Variants in COMMD5 observed in about 807,000 individuals in gnomAD.
COMMD5 encodes the protein COMM domain-containing protein 5.
Under a neutral mutation model 6.9 loss-of-function variants are expected in COMMD5, and 10 were observed. That is an observed-to-expected ratio of 1.44 (90% confidence interval 0.89 to 2.45). COMMD5 has a LOEUF of 2.45. Among genes scored for constraint, COMMD5 ranks in the 30% most tolerant of loss-of-function variants. The pLI, the probability that COMMD5 is intolerant of heterozygous loss-of-function variation, is 0.00. For synonymous variants in COMMD5, 127 were observed against 125.3 expected, an observed-to-expected ratio of 1.01 and a Z score of -0.09; for missense variants, 234 against 287.8, an observed-to-expected ratio of 0.81 and a Z score of 1.35.
At chr8:144,843,377 C>T (rs375302812) in intron 1 of COMMD5, 12 of 535,558 alleles carry the variant, frequency 2.2e-5, no homozygotes, top group African/African-American at 1.2e-4. Flanking sequence ...ATCACGAGGT[C>T]AGGAGGTTGA....
intron 1 of COMMD5, chr8:144,842,976 C>T (rs1310351353): frequency 6.2e-7 from 1 of 1,614,022 alleles, no homozygotes; most frequent in African/African-American, 1.3e-5. Context: ...CCTTTGTGAG[C>T]CGTAAAAAGG....
rs772656357 is a variant in COMMD5 at position 144,850,796 on chromosome 8, C to T, written c.543G>A (p.Lys181=). ...SLQPSVLMQL[K]LSDGSAYRFE... Reference sequence around the variant, plus strand: ...AGCGGTATGCTGACCCATCTGAAAGCTTCAGCTGCATCAGGACGCTCGGCT... The same window carrying T: ...AGCGGTATGCTGACCCATCTGAAAGTTTCAGCTGCATCAGGACGCTCGGCT... The change falls in exon 2 of 2, where the codon AAG becomes AAA. Residue 181 remains lysine (K), a synonymous_variant. Transcript: ENST00000305103. This position sits in a 1 kb window ranked among gnomAD's most constrained non-coding sequence, Gnocchi z 4.0. 5 of 1,613,980 alleles carry T rather than the reference C, an allele frequency of 3.1e-6. No individual in the cohort carries two copies. Among genetic ancestry groups the T allele is most frequent in the Non-Finnish European group, 4.2e-6 (5 of 1,180,056 alleles).
Position 144,841,332 on chromosome 8 carries a change from G to A in COMMD5, c.*528C>T, listed in dbSNP as rs189706897. ...TCTCTGAGCACAGGGCCTAAGGAAC[G>A]TCTTTGTTCCTGTTTATTTCAGATT... On this transcript the variant is annotated 3_prime_UTR_variant and NMD_transcript_variant, in exon 2 of 2. Transcript: ENST00000530332. The A allele has an allele frequency of 4.0e-5, 64 of 1,581,820 alleles. No individual in the cohort carries two copies. The Admixed American group carries it at 1.0e-3, about 25-fold the overall frequency.
At position 144,850,890 on chromosome 8, in the gene COMMD5, G is replaced by A. The variant is rs1445044483; in HGVS notation, c.449C>T (p.Pro150Leu). 4.3e-6 allele frequency: 7 copies of A among 1,611,156 alleles called. No homozygotes were observed. Among genetic ancestry groups the A allele is most frequent in the East Asian group, 2.2e-5 (1 of 44,770 alleles). ...CCGCCACCGAAAGTCAGCAACATGC[G>A]GCAGCCAGGCCCCCTGCTGCTGGGC... is the stretch of plus-strand genomic sequence containing the variant. The part of the protein sequence containing the change: ...SVAQQQGAWL[P>L]HVADFRWRVD... The change falls in exon 2 of 2, where the codon CCG (proline) becomes CTG (leucine). Residue 150 changes from proline (P) to leucine (L), a missense_variant. Pro to Leu is a moderately conservative substitution (Grantham distance 98, BLOSUM62 -3). Transcript: ENST00000305103. The surrounding 1 kb of genome is among the most constrained non-coding windows in gnomAD (Gnocchi z 4.0).
chr8:144,851,626 T>C (rs950669509), intron 1 of COMMD5, among the ~76,000 whole-genome samples: 13 of 151,438 alleles, frequency 8.6e-5, no homozygotes, highest in African/African-American at 3.2e-4. Context: ...CAAGCAGGAA[T>C]TGGCAGAGAA....
rs577813996 is a variant in COMMD5, at chr8:144,843,545, G to A, written c.*117-1802C>T. 2.1e-3 allele frequency: 319 copies of A among 149,474 alleles called. 2 individuals carry two copies. The highest frequency in any genetic ancestry group is 0.016 in the South Asian group (76 of 4,728). 9.3% of individuals were successfully genotyped at this position (149,474 alleles called of 1,614,324 possible). A position where few individuals can be genotyped will look rare whatever the true frequency, so the allele number is the denominator to read the frequency against. On this transcript the variant is annotated intron_variant and NMD_transcript_variant, in intron 1 of 1. Transcript: ENST00000530332. Reference sequence around the variant, plus strand: ...GGAGCTTGCAGTGAGCTGAGATCGCGCCACTGCACTCCAGCCTGGGTGACA... The same window carrying A: ...GGAGCTTGCAGTGAGCTGAGATCGCACCACTGCACTCCAGCCTGGGTGACA...
At chr8:144,838,123 A>G, downstream of COMMD5, 2 of 702,990 alleles carry the variant, frequency 2.8e-6, no homozygotes, top group South Asian at 1.5e-5. Flanking sequence ...GTTTTCTGGC[A>G]GTCCTTGGGT....
rs71320849 is a variant in COMMD5, at chr8:144,844,709, C to CAAAAAA, written c.*117-2972_*117-2967dup. ...GGGTGACAAGAGTGTGACTCTGTAT[C>CAAAAAA]AAAAAAAAAAAAAAAAAAAAAAAAA... is the stretch of plus-strand genomic sequence containing the variant. On this transcript the variant is annotated intron_variant and NMD_transcript_variant, in intron 1 of 1. Transcript: ENST00000530332. Among the ~76,000 whole-genome samples the CAAAAAA allele has an allele frequency of 3.0e-4, 27 of 88,638 alleles. 1 individual carries two copies. Among genetic ancestry groups the CAAAAAA allele is most frequent in the African/African-American group, 1.1e-3 (26 of 23,738 alleles). 58.1% of individuals were successfully genotyped at this position (88,638 alleles called of 152,430 possible). A position where few individuals can be genotyped will look rare whatever the true frequency, so the allele number is the denominator to read the frequency against.
chr8:144,842,636 C>T (rs1830094399), intron 1 of COMMD5: 1 of 1,614,216 alleles, frequency 6.2e-7, no homozygotes, highest in Non-Finnish European at 8.5e-7. Flanking sequence ...AGTCAGAGTT[C>T]CAGCCTTATT....
chr8:144,844,530 G>GGC (rs1830383349), intron 1 of COMMD5, among the ~76,000 whole-genome samples: 2 of 151,892 alleles, frequency 1.3e-5, no homozygotes, highest in Non-Finnish European at 2.9e-5. Context: ...CTAACACAGT[G>GGC]AAACCCCGTG....
intron 1 of COMMD5, chr8:144,852,381 T>A (rs1830786802): frequency 6.6e-6 from 1 of 152,306 alleles, no homozygotes; most frequent in Non-Finnish European, 1.5e-5. Flanking sequence ...CCGACGCACC[T>A]GAAGGAGCAG....
Position 144,844,733 on chromosome 8 carries a change from A to AAAC in COMMD5, c.*117-2991_*117-2990insGTT, listed in dbSNP as rs1329927070. Among the ~76,000 whole-genome samples, 236 of 132,444 alleles carry AAAC rather than the reference A, an allele frequency of 1.8e-3. 6 individuals are homozygous for AAAC. The highest frequency in any genetic ancestry group is 6.5e-3 in the African/African-American group (218 of 33,744). The allele number at this position is 132,444 out of a possible 152,430, so 86.9% of individuals were successfully genotyped here. A position where few individuals can be genotyped will look rare whatever the true frequency, so the allele number is the denominator to read the frequency against. ...TCAAAAAAAAAAAAAAAAAAAAAAAAAAACGAAAATGGGATGGAAAGAAGG... is the reference window on the plus strand; with the variant it reads ...TCAAAAAAAAAAAAAAAAAAAAAAAAAACAAACGAAAATGGGATGGAAAGAAGG... On this transcript the variant is annotated intron_variant and NMD_transcript_variant, in intron 1 of 1. Transcript: ENST00000530332.
At chr8:144,842,860 G>A (rs2130723626) in intron 1 of COMMD5, 1 of 1,614,224 alleles carries the variant, frequency 6.2e-7, no homozygotes, top group East Asian at 2.2e-5. Flanking sequence ...TGAGTGCAGT[G>A]AGTGTGGAAA....
chr8:144,848,293 G>A (rs1328197808), downstream of COMMD5, among the ~76,000 whole-genome samples: 2 of 151,604 alleles, frequency 1.3e-5, no homozygotes, highest in African/African-American at 4.9e-5. Flanking sequence ...ATGATGGGGA[G>A]ACCTTGTCTC....
Position 144,850,907 on chromosome 8 carries a change from C to T in COMMD5, c.432G>A (p.Gln144=). 6.2e-7 allele frequency: 1 copy of T among 1,609,120 alleles called. No homozygotes were observed. The highest frequency in any genetic ancestry group is 1.1e-5 in the South Asian group (1 of 90,494). ...QRPLLDSVAQ[Q]QGAWLPHVAD... Reference sequence around the variant, plus strand: ...CAACATGCGGCAGCCAGGCCCCCTGCTGCTGGGCCACAGAATCAAGGAGGG... The same window carrying T: ...CAACATGCGGCAGCCAGGCCCCCTGTTGCTGGGCCACAGAATCAAGGAGGG... The change falls in exon 2 of 2, where the codon CAG becomes CAA. Residue 144 remains glutamine, a synonymous_variant. Transcript: ENST00000305103. The surrounding 1 kb of genome is among the most constrained non-coding windows in gnomAD (Gnocchi z 4.0).
chr8:144,841,987 A>T, intron 1 of COMMD5: 1 of 1,614,206 alleles, frequency 6.2e-7, no homozygotes, highest in Non-Finnish European at 8.5e-7. Context: ...CTCAAAACTT[A>T]TTCAGCATCA....
At chr8:144,840,542 G>A (rs755108349), downstream of COMMD5, among the ~76,000 whole-genome samples, 3 of 152,200 alleles carry the variant, frequency 2.0e-5, no homozygotes, top group Non-Finnish European at 2.9e-5. Context: ...TCCTGTCATG[G>A]TTTGATCACA....
chr8:144,849,041 G>A (rs1490672225), downstream of COMMD5, among the ~76,000 whole-genome samples: 1 of 152,232 alleles, frequency 6.6e-6, no homozygotes, highest in Non-Finnish European at 1.5e-5. Context: ...ACCGAGGGCA[G>A]GTCCATGCTC....
chr8:144,840,241 C>T (rs1012732316), downstream of COMMD5, among the ~76,000 whole-genome samples: 4 of 152,324 alleles, frequency 2.6e-5, no homozygotes, highest in African/African-American at 7.2e-5. Flanking sequence ...TGCCTCCTGT[C>T]CTCACAGGCC....
Sources: allele counts gnomAD v4.1 joint callset (sites outside exome capture counted in the v4.1 genomes callset), GRCh38; gene constraint gnomAD v4.1.1; non-coding constraint Gnocchi (gnomAD v3.1); transcripts MANE v1.5; gene names NCBI Gene and HGNC (gene_info 2026-07-23, HGNC 2026-07-21).